Variants in DEK observed in about 807,000 individuals in gnomAD.
The protein encoded by DEK is DEK proto-oncogene, also known as protein DEK.
DEK carries 28 observed loss-of-function variants against 46.8 expected under a neutral mutation model. The observed-to-expected ratio is 0.60, with a 90% CI of 0.44 to 0.82. The LOEUF (loss-of-function observed/expected upper bound fraction) is 0.82, where lower values mean the gene tolerates loss of function less well. Ranked by LOEUF, DEK falls within the 40% of genes least tolerant of loss-of-function variation. The pLI is 0.00. For synonymous variants in DEK, 160 were observed against 144.5 expected, an observed-to-expected ratio of 1.11 and a Z score of -0.77; for missense variants, 416 against 430.6, an observed-to-expected ratio of 0.97 and a Z score of 0.30.
Position 18,263,947 on chromosome 6 carries a change from G to C in DEK, c.41C>G (p.Pro14Arg). The C allele has an allele frequency of 1.2e-6, 2 of 1,613,156 alleles. No individual in the cohort carries two copies. The highest frequency in any genetic ancestry group is 8.5e-7 in the Non-Finnish European group (1 of 1,179,592). ...SAPAAEGEGT[P>R]TQPASEKEPE... ...TTCTTTCTCGGACGCGGGCTGGGTG[G>C]GGGTTCCCTCCCCCTCCGCAGCAGG... The change falls in exon 2 of 11, where the codon CCC becomes CGC. Residue 14 changes from proline to arginine, a missense_variant. By Grantham distance (103) the Pro-to-Arg change is moderately radical (BLOSUM62 -2). Transcript: ENST00000652689.
intron 9 of DEK, among the ~76,000 whole-genome samples, chr6:18,230,288 AGACCATC>A (rs1230660957): frequency 6.6e-6 from 1 of 152,228 alleles, no homozygotes; most frequent in East Asian, 1.9e-4. Context: ...CAAATTGTAA[AGACCATC>A]GATGCTAGGA....
chr6:18,237,589 C>T, intron 7 of DEK, 73 bp from the exon 8 acceptor site: 2 of 1,493,578 alleles, frequency 1.3e-6, no homozygotes, highest in East Asian at 4.8e-5. Flanking sequence ...CTCTACTTCC[C>T]CTATGCCCCT....
chr6:18,238,861 G>T (rs1054138434), intron 7 of DEK, among the ~76,000 whole-genome samples: 1 of 151,970 alleles, frequency 6.6e-6, no homozygotes, highest in African/African-American at 2.4e-5. Flanking sequence ...GCGATCACTT[G>T]ACAGAACGTT....
chr6:18,255,619 G>C, intron 6 of DEK, 112 bp downstream of exon 6: 2 of 1,252,836 alleles, frequency 1.6e-6, no homozygotes, highest in Non-Finnish European at 1.1e-6. Context: ...TATAGTCTTT[G>C]AATGTAGATA....
chr6:18,259,394 C>CAAAAAAAAAAAAAAAAAAA (rs56704006), intron 2 of DEK, among the ~76,000 whole-genome samples: 7 of 41,480 alleles, frequency 1.7e-4, no homozygotes, highest in Admixed American at 1.4e-3. Context: ...GACTCCGTCT[C>CAAAAAAAAAAAAAAAAAAA]AAAAAAAAAA....
Position 18,224,499 on chromosome 6 carries a change from A to C in DEK, c.*1220T>G, listed in dbSNP as rs1351656042. On this transcript the variant is annotated 3_prime_UTR_variant, in exon 11 of 11. Transcript: ENST00000652689. ...TAAGACAGTAAATTTGAAAGACAAA[A>C]TTAAGTCTCATTCAGGAGTGGTCCA... 5.0e-6 allele frequency: 1 copy of C among 200,916 alleles called. No homozygotes were observed. The highest frequency in any genetic ancestry group is 2.3e-5 in the African/African-American group (1 of 43,488). 12.4% of individuals were successfully genotyped at this position (200,916 alleles called of 1,614,324 possible). A position where few individuals can be genotyped will look rare whatever the true frequency, so the allele number is the denominator to read the frequency against.
At chr6:18,231,691 A>G (rs1016262131) in intron 9 of DEK, among the ~76,000 whole-genome samples, 12 of 152,246 alleles carry the variant, frequency 7.9e-5, no homozygotes, top group African/African-American at 2.9e-4. Context: ...GAATAGACCA[A>G]TAACAGGTTC....
At chr6:18,237,192 T>C (rs1790692401) in intron 8 of DEK, 189 bp downstream of exon 8, 2 of 559,562 alleles carry the variant, frequency 3.6e-6, no homozygotes, top group Non-Finnish European at 5.8e-6. Context: ...TCTCTATATA[T>C]ATATATTGCA....
chr6:18,258,199 C>T lies in DEK; in HGVS notation c.247+105G>A. On this transcript the variant is annotated intron_variant, in intron 3 of 10. Transcript: ENST00000652689. ...ACAGAGCAAATTAAATAAAATTATA[C>T]CAAAAGTATAAAACACTACCTTGCT... 2.6e-6 allele frequency: 3 copies of T among 1,146,274 alleles called. No homozygotes were observed. In the East Asian group the frequency reaches 7.2e-5, roughly 28 times the overall value. 71.0% of individuals were successfully genotyped at this position (1,146,274 alleles called of 1,614,324 possible). A position where few individuals can be genotyped will look rare whatever the true frequency, so the allele number is the denominator to read the frequency against.
At chr6:18,259,430 A>AT (rs770696167) in intron 2 of DEK, among the ~76,000 whole-genome samples, 1,513 of 96,778 alleles carry the variant, frequency 0.016, 151 homozygotes, top group East Asian at 0.04. Context: ...AAAAAAAAAA[A>AT]AAATCTAGAA....
rs1232193020 is a variant in DEK, at chr6:18,249,646, T to C, written c.762+5A>G. The C allele has an allele frequency of 1.9e-6, 3 of 1,568,684 alleles. No homozygotes were observed. The highest frequency in any genetic ancestry group is 2.4e-5 in the South Asian group (2 of 83,220). The stretch of plus-strand genomic sequence containing the variant: ...ATGATTTAAAAATATAGTAAAATAT[T>C]TTACCTCCTCTTCACTTTCTTTATC... On this transcript the variant is annotated splice_donor_5th_base_variant and intron_variant, in intron 7 of 10. Transcript: ENST00000652689.
At chr6:18,234,644 A>G (rs1387292242) in intron 9 of DEK, among the ~76,000 whole-genome samples, 1 of 151,994 alleles carries the variant, frequency 6.6e-6, no homozygotes, top group Non-Finnish European at 1.5e-5. Flanking sequence ...AATTCCTTCA[A>G]TTTTCTGACA....
chr6:18,228,282 G>A (rs1265567724), intron 9 of DEK, among the ~76,000 whole-genome samples: 2 of 152,056 alleles, frequency 1.3e-5, no homozygotes, highest in Non-Finnish European at 2.9e-5. Flanking sequence ...ATAAAATTTT[G>A]CTTACAAAAC....
Position 18,225,710 on chromosome 6 carries a change from T to TC in DEK, c.*8dup, listed in dbSNP as rs1211026537. ...CTATGGGAACGAGTCATCTTCTCTG[T>TC]CCTCTATCTCAAGAAATTAGCTGTA... On this transcript the variant is annotated 3_prime_UTR_variant, in exon 11 of 11. Coordinates refer to ENST00000652689, the MANE Select transcript of DEK (RefSeq NM_003472.4). 3 of 1,613,144 alleles carry TC rather than the reference T, an allele frequency of 1.9e-6. No individual in the cohort carries two copies. The highest frequency in any genetic ancestry group is 2.5e-6 in the Non-Finnish European group (3 of 1,179,464).
intron 7 of DEK, among the ~76,000 whole-genome samples, chr6:18,238,787 G>C (rs1269125725): frequency 6.6e-6 from 1 of 151,962 alleles, no homozygotes. Context: ...GTTCCCAAAG[G>C]AAAAGCTTCC....
At chr6:18,260,997 A>G (rs1791835856) in intron 2 of DEK, among the ~76,000 whole-genome samples, 1 of 150,944 alleles carries the variant, frequency 6.6e-6, no homozygotes, top group Non-Finnish European at 1.5e-5. Context: ...AAAAAAAAAA[A>G]AAAAAAGAAA....
At chr6:18,236,744 T>C (rs1790668137) in intron 8 of DEK, 144 bp from the exon 9 acceptor site, 1 of 516,122 alleles carries the variant, frequency 1.9e-6, no homozygotes, top group Admixed American at 4.1e-5. Flanking sequence ...CAGTTACCTA[T>C]AAAACATGCA....
rs757689164 is a variant in DEK, at chr6:18,263,868, G to GTCGTCC, written c.114_119dup (p.Glu38_Asp39dup). The stretch of plus-strand genomic sequence containing the variant: ...CTTTTTCCTCCTCCTCCTCCTCCTC[G>GTCGTCC]TCGTCCTCGTCCTCTTCCTCCTCGC... On this transcript the variant is annotated inframe_insertion, in exon 2 of 11. Transcript: ENST00000652689. 1.9e-6 allele frequency: 3 copies of GTCGTCC among 1,611,218 alleles called. No homozygotes were observed. The highest frequency in any genetic ancestry group is 1.7e-6 in the Non-Finnish European group (2 of 1,178,556).
chr6:18,231,635 G>A (rs145945816), intron 9 of DEK, among the ~76,000 whole-genome samples: 236 of 152,166 alleles, frequency 1.6e-3, no homozygotes, highest in African/African-American at 5.4e-3. Context: ...ATAAATTCCT[G>A]GACACATACA....
Sources: gnomAD v4.1 joint callset for allele counts (sites outside exome capture counted in the v4.1 genomes callset) on GRCh38, gnomAD v4.1.1 for gene constraint, MANE v1.5 for transcripts, NCBI Gene and HGNC (gene_info 2026-07-23, HGNC 2026-07-21) for gene names.